The following CSMD1 variants were observed in gnomAD, a reference collection of about 807,000 sequenced individuals.
CSMD1 encodes the protein CUB and Sushi multiple domains 1.
CSMD1 carries 213 observed loss-of-function variants against 417.5 expected under a neutral mutation model. That is an observed-to-expected ratio of 0.51 (90% CI 0.46 to 0.57). CSMD1 has a LOEUF of 0.57. Ranked by LOEUF, CSMD1 falls within the 20% of genes least tolerant of loss-of-function variation. The pLI, the probability that CSMD1 is intolerant of heterozygous loss-of-function variation, is 0.00. For synonymous variants in CSMD1, 2,862 were observed against 1,736.8 expected, an observed-to-expected ratio of 1.65 and a Z score of -16.11; for missense variants, 6,923 against 4,529.7, an observed-to-expected ratio of 1.53 and a Z score of -15.17.
intron 19 of CSMD1, 110 bp from the exon 20 acceptor site, chr8:3,367,357 A>G (rs532187054): frequency 2.6e-4 from 179 of 677,522 alleles, no homozygotes; most frequent in Non-Finnish European, 4.3e-4. Flanking sequence ...GATGACAGAG[A>G]TGGAGAGGAA....
chr8:4,566,596 T>C (rs983608628), intron 2 of CSMD1, among the ~76,000 whole-genome samples: 1 of 130,362 alleles, frequency 7.7e-6, no homozygotes, highest in African/African-American at 3.0e-5. Context: ...GAGCTTGCAG[T>C]GAGCTGAGAT....
intron 49 of CSMD1, among the ~76,000 whole-genome samples, chr8:3,066,158 G>A (rs1405921248): frequency 6.6e-6 from 1 of 152,162 alleles, no homozygotes; most frequent in African/African-American, 2.4e-5. Context: ...AGGGCTGCTG[G>A]TTCTAGCATC....
chr8:4,187,500 C>G (rs763643078), intron 3 of CSMD1, among the ~76,000 whole-genome samples: 2 of 151,934 alleles, frequency 1.3e-5, no homozygotes, highest in African/African-American at 2.4e-5. Flanking sequence ...AAAAAATCAG[C>G]CTGGGTGGTG....
At chr8:3,485,787 T>C (rs1272119253) in intron 11 of CSMD1, among the ~76,000 whole-genome samples, 1 of 138,726 alleles carries the variant, frequency 7.2e-6, no homozygotes, top group African/African-American at 2.8e-5. Flanking sequence ...TAAAATAAAA[T>C]AAAATAAAAT....
chr8:4,590,077 T>C (rs1315287945), intron 2 of CSMD1, among the ~76,000 whole-genome samples: 1 of 152,230 alleles, frequency 6.6e-6, no homozygotes, highest in Non-Finnish European at 1.5e-5. Flanking sequence ...GTAACATGTA[T>C]TTATGAAATC....
intron 2 of CSMD1, among the ~76,000 whole-genome samples, chr8:4,566,838 G>A (rs1798637298): frequency 6.6e-6 from 1 of 151,804 alleles, no homozygotes; most frequent in South Asian, 2.1e-4. Flanking sequence ...CTTACTGTAT[G>A]AAGATATAGC....
intron 5 of CSMD1, among the ~76,000 whole-genome samples, chr8:3,763,726 T>C (rs1218064296): frequency 6.6e-6 from 1 of 152,160 alleles, no homozygotes; most frequent in African/African-American, 2.4e-5. Flanking sequence ...CCCTGTACCT[T>C]TGTACAGAAA....
chr8:3,023,936 T>G (rs962424884), intron 51 of CSMD1, among the ~76,000 whole-genome samples: 1 of 151,700 alleles, frequency 6.6e-6, no homozygotes, highest in Non-Finnish European at 1.5e-5. Context: ...ATTCCGTTGG[T>G]CCTGATCCAA....
chr8:2,951,025 CT>C, intron 66 of CSMD1, 88 bp downstream of exon 66: 1 of 1,338,286 alleles, frequency 7.5e-7, no homozygotes, highest in Non-Finnish European at 1.0e-6. Context: ...GTAATAAGTA[CT>C]TAATACTTAC....
At chr8:3,638,618 C>A (rs917759014) in intron 7 of CSMD1, among the ~76,000 whole-genome samples, 2 of 152,120 alleles carry the variant, frequency 1.3e-5, no homozygotes, top group Non-Finnish European at 2.9e-5. Flanking sequence ...TTCTCCTGCC[C>A]AGTCATGTGG....
intron 30 of CSMD1, among the ~76,000 whole-genome samples, chr8:3,211,554 A>C (rs892914484): frequency 6.6e-6 from 1 of 152,196 alleles, no homozygotes; most frequent in African/African-American, 2.4e-5. Context: ...TACAGAATTA[A>C]GATTTACTAG....
intron 36 of CSMD1, 91 bp downstream of exon 36, chr8:3,187,778 T>A: frequency 2.2e-6 from 2 of 920,056 alleles, no homozygotes; most frequent in Admixed American, 2.1e-5. Flanking sequence ...GTAGGAAAAT[T>A]TCTATGTGGA....
chr8:3,978,682 C>T (rs1180480459), intron 5 of CSMD1, among the ~76,000 whole-genome samples: 2 of 152,144 alleles, frequency 1.3e-5, no homozygotes, highest in Non-Finnish European at 2.9e-5. Flanking sequence ...TCCTGCCCAA[C>T]CCGGCTCTAC....
chr8:3,482,075 A>G (rs926587039), intron 11 of CSMD1, among the ~76,000 whole-genome samples: 1 of 152,234 alleles, frequency 6.6e-6, no homozygotes, highest in African/African-American at 2.4e-5. Context: ...AGATAAAATT[A>G]AAAAACAAAA....
At chr8:4,643,698 T>A (rs1372094468) in intron 1 of CSMD1, among the ~76,000 whole-genome samples, 1 of 152,228 alleles carries the variant, frequency 6.6e-6, no homozygotes, top group East Asian at 1.9e-4. Context: ...TAAGCGCTGT[T>A]TGAAACGGTA....
chr8:4,711,881 C>G (rs1231948693), intron 1 of CSMD1, among the ~76,000 whole-genome samples: 1 of 152,166 alleles, frequency 6.6e-6, no homozygotes. Context: ...GATGATGGCA[C>G]AAATAATACC....
At chr8:4,237,425 A>G (rs1159372346) in intron 3 of CSMD1, among the ~76,000 whole-genome samples, 1 of 152,188 alleles carries the variant, frequency 6.6e-6, no homozygotes, top group Non-Finnish European at 1.5e-5. Context: ...TTTTTTGTGA[A>G]TATTTAATAT....
chr8:3,909,416 C>A (rs1222455817), intron 5 of CSMD1, among the ~76,000 whole-genome samples: 1 of 152,088 alleles, frequency 6.6e-6, no homozygotes, highest in Non-Finnish European at 1.5e-5. Context: ...CTCAAGGGTG[C>A]CGAGGGCAGG....
intron 25 of CSMD1, among the ~76,000 whole-genome samples, chr8:3,299,367 G>T (rs1325612600): frequency 6.6e-6 from 1 of 152,150 alleles, no homozygotes; most frequent in African/African-American, 2.4e-5. Context: ...CAGGAGCATT[G>T]CTTGAACTCT....
Sources: gnomAD v4.1 joint callset for allele counts (sites outside exome capture counted in the v4.1 genomes callset) on GRCh38, gnomAD v4.1.1 for gene constraint, MANE v1.5 for transcripts, NCBI Gene and HGNC (gene_info 2026-07-23, HGNC 2026-07-21) for gene names.